COL5A1: variants seen among roughly 807,000 people sequenced by gnomAD.
COL5A1 encodes the protein collagen type V alpha 1 chain.
COL5A1 carries 16 observed loss-of-function variants against 263.7 expected under a neutral mutation model. The observed-to-expected ratio is 0.06, with a 90% CI of 0.04 to 0.09. The LOEUF (loss-of-function observed/expected upper bound fraction) is 0.09, where lower values mean the gene tolerates loss of function less well. Among genes scored for constraint, COL5A1 ranks in the 10% least tolerant of loss-of-function variants. The pLI, the probability that COL5A1 is intolerant of heterozygous loss-of-function variation, is 1.00. For synonymous variants in COL5A1, 1,012 were observed against 1,004.5 expected (o/e 1.01, Z -0.14); for missense variants, 2,036 against 2,540.5 (o/e 0.80, Z 4.27).
intron 58 of COL5A1, 106 bp downstream of exon 58, chr9:134,820,329 C>CA: frequency 2.3e-6 from 2 of 874,612 alleles, no homozygotes; most frequent in Non-Finnish European, 3.7e-6. Flanking sequence ...GAAGGACGTC[C>CA]ACACGTCGGT....
At chr9:134,699,289 T>G in intron 2 of COL5A1, among the ~76,000 whole-genome samples, 1 of 152,242 alleles carries the variant, frequency 6.6e-6, no homozygotes, top group Non-Finnish European at 1.5e-5. Flanking sequence ...CCCGTTAACA[T>G]ACTAGGGATA....
intron 5 of COL5A1, 135 bp from the exon 6 acceptor site, chr9:134,728,535 C>A: frequency 8.1e-7 from 1 of 1,231,084 alleles, no homozygotes; most frequent in Non-Finnish European, 1.2e-6. Flanking sequence ...CATCCGGGGA[C>A]CCACAGGGAG....
rs765500025 is a variant in COL5A1 at position 134,843,220 on chromosome 9, A to T, written c.*917A>T. On this transcript the variant is annotated 3_prime_UTR_variant, in exon 66 of 66. Coordinates refer to ENST00000371817, the MANE Select transcript of COL5A1 (RefSeq NM_000093.5). ...TTTTTTCTACATGCACTTAAGACTA[A>T]AACACAGGTTTGGATTAATTTTATT... 6.6e-6 allele frequency: 1 copy of T among 152,340 alleles called. No homozygotes were observed. Among genetic ancestry groups the T allele is most frequent in the Non-Finnish European group, 1.5e-5 (1 of 68,022 alleles). 9.4% of individuals were successfully genotyped at this position (152,340 alleles called of 1,614,324 possible). A position where few individuals can be genotyped will look rare whatever the true frequency, so the allele number is the denominator to read the frequency against.
At position 134,809,304 on chromosome 9, in the gene COL5A1, A is replaced by T; in HGVS notation, c.3474+14A>T. ...GACGGAGATAAGGTAAGGCAAATCC[A>T]GAGTGACCCATGGCTGGGCCTGGCT... On this transcript the variant is annotated intron_variant, in intron 43 of 65. Coordinates refer to ENST00000371817, the MANE Select transcript of COL5A1 (RefSeq NM_000093.5). The T allele has an allele frequency of 6.3e-7, 1 of 1,591,346 alleles. No homozygotes were observed. The highest frequency in any genetic ancestry group is 8.6e-7 in the Non-Finnish European group (1 of 1,164,766).
At chr9:134,749,306 C>A (rs941259284) in intron 11 of COL5A1, among the ~76,000 whole-genome samples, 1 of 152,206 alleles carries the variant, frequency 6.6e-6, no homozygotes. Flanking sequence ...GTTAGTGTGT[C>A]CAGCATGTGC....
At chr9:134,713,543 C>G (rs76065391) in intron 4 of COL5A1, among the ~76,000 whole-genome samples, 7 of 152,146 alleles carry the variant, frequency 4.6e-5, no homozygotes, top group Non-Finnish European at 8.8e-5. Flanking sequence ...ACTATGTTCT[C>G]GAACTGAGAA....
At chr9:134,781,951 C>T (rs968560304) in intron 28 of COL5A1, among the ~76,000 whole-genome samples, 16 of 152,178 alleles carry the variant, frequency 1.1e-4, no homozygotes, top group Admixed American at 3.3e-4. Flanking sequence ...GATGTAGCCC[C>T]TGAATAATGA....
At chr9:134,690,838 A>G in intron 1 of COL5A1, 74 bp from the exon 2 acceptor site, 1 of 1,579,382 alleles carries the variant, frequency 6.3e-7, no homozygotes, top group South Asian at 1.1e-5. Context: ...GCTTCCTGTC[A>G]TCCCAGCTTC....
At chr9:134,791,802 C>T (rs1256181821) in intron 32 of COL5A1, among the ~76,000 whole-genome samples, 2 of 152,110 alleles carry the variant, frequency 1.3e-5, no homozygotes, top group African/African-American at 2.4e-5. Flanking sequence ...GCACATGCAT[C>T]GCGAGTCCTT....
chr9:134,725,923 A>G (rs1185563086), intron 4 of COL5A1, among the ~76,000 whole-genome samples: 1 of 152,178 alleles, frequency 6.6e-6, no homozygotes, highest in Non-Finnish European at 1.5e-5. Context: ...ACTTGTATAC[A>G]TTTATTTGTT....
intron 11 of COL5A1, among the ~76,000 whole-genome samples, chr9:134,743,941 C>T (rs543058101): frequency 6.6e-6 from 1 of 152,286 alleles, no homozygotes; most frequent in Non-Finnish European, 1.5e-5. Flanking sequence ...GTGTGGTCTC[C>T]CCAGGACCAG....
intron 1 of COL5A1, among the ~76,000 whole-genome samples, chr9:134,685,445 CCAT>C (rs1833019013): frequency 2.3e-3 from 2 of 872 alleles, no homozygotes; most frequent in Non-Finnish European, 4.3e-3. Flanking sequence ...CATCCATTGT[CCAT>C]CATCCATCCA....
chr9:134,783,169 G>A lies in COL5A1; in HGVS notation c.2484+449G>A, dbSNP rs557725614. On this transcript the variant is annotated intron_variant, in intron 29 of 65. Transcript: ENST00000371817. The stretch of plus-strand genomic sequence containing the variant: ...ACGGCCGGCGCCCACAGGGCAGCAC[G>A]CGACGTGGGTCTAGGATCCCTGTGA... 4.9e-4 allele frequency among the ~76,000 whole-genome samples: 74 copies of A among 152,362 alleles called. 1 individual carries two copies. Among genetic ancestry groups the A allele is most frequent in the Middle Eastern group, 3.4e-3 (1 of 294 alleles).
intron 9 of COL5A1, among the ~76,000 whole-genome samples, chr9:134,736,447 C>T (rs1009324561): frequency 1.3e-5 from 2 of 152,224 alleles, no homozygotes; most frequent in Non-Finnish European, 2.9e-5. Context: ...CGAGCCCGCT[C>T]CCATCGTAGC....
intron 57 of COL5A1, 62 bp from the exon 58 acceptor site, chr9:134,820,054 C>A: frequency 7.9e-7 from 1 of 1,271,232 alleles, no homozygotes; most frequent in Non-Finnish European, 1.2e-6. Context: ...AACTGGCCCA[C>A]CGTGGCCGAG....
Position 134,761,184 on chromosome 9 carries a change from A to AC in COL5A1, c.1936-735dup, listed in dbSNP as rs554378456. Reference sequence around the variant, plus strand: ...CATACACACCTATACACACATATGCACCCCCCATCCCCCCACATGCACACA... The same window carrying AC: ...CATACACACCTATACACACATATGCACCCCCCCATCCCCCCACATGCACACA... On this transcript the variant is annotated intron_variant, in intron 18 of 65. Transcript: ENST00000371817. Among the ~76,000 whole-genome samples the AC allele has an allele frequency of 1.8e-4, 24 of 129,838 alleles. No individual in the cohort carries two copies. The South Asian group carries it at 4.2e-3, about 23-fold the overall frequency. The allele number at this position is 129,838 out of a possible 152,430, so 85.2% of individuals were successfully genotyped here. A position where few individuals can be genotyped will look rare whatever the true frequency, so the allele number is the denominator to read the frequency against.
intron 18 of COL5A1, among the ~76,000 whole-genome samples, chr9:134,759,659 CGCATG>C: frequency 8.3e-6 from 1 of 120,648 alleles, no homozygotes; most frequent in African/African-American, 3.8e-5. Context: ...TGCACACATA[CGCATG>C]CACACCCCCA....
At chr9:134,797,475 C>G (rs11103531) in intron 36 of COL5A1, among the ~76,000 whole-genome samples, 3,009 of 136,192 alleles carry the variant, frequency 0.022, 46 homozygotes, top group South Asian at 0.045. Context: ...TCTCTGTCTT[C>G]TAATCTCTTT....
intron 27 of COL5A1, among the ~76,000 whole-genome samples, chr9:134,776,370 G>A (rs900882483): frequency 6.6e-6 from 1 of 152,216 alleles, no homozygotes; most frequent in African/African-American, 2.4e-5. Context: ...AGCTAAAAAG[G>A]TGTTTGCTTT....
Sources: allele counts gnomAD v4.1 joint callset (sites outside exome capture counted in the v4.1 genomes callset), GRCh38; gene constraint gnomAD v4.1.1; transcripts MANE v1.5; gene names NCBI Gene and HGNC (gene_info 2026-07-23, HGNC 2026-07-21).